Variants in CTNND2 observed in about 807,000 individuals in gnomAD.
CTNND2 encodes the protein catenin delta-2.
A neutral mutation model predicts 144.4 loss-of-function variants in CTNND2; 22 were observed. That is an observed-to-expected ratio of 0.15 (90% confidence interval 0.11 to 0.22). The LOEUF is 0.22. Ranked by LOEUF, CTNND2 falls within the 10% of genes least tolerant of loss-of-function variation. CTNND2 has a pLI of 1.00. For synonymous variants in CTNND2, 751 were observed against 695.6 expected (o/e 1.08, Z -1.25); for missense variants, 1,353 against 1,618.8 (o/e 0.84, Z 2.82).
intron 2 of CTNND2, among the ~76,000 whole-genome samples, chr5:11,638,377 A>C (rs757938096): frequency 6.6e-6 from 1 of 152,242 alleles, no homozygotes; most frequent in African/African-American, 2.4e-5. Context: ...AAAAATAGCA[A>C]GAAGCACTAG....
intron 7 of CTNND2, among the ~76,000 whole-genome samples, chr5:11,369,701 G>A (rs1366756189): frequency 6.6e-6 from 1 of 152,196 alleles, no homozygotes; most frequent in Non-Finnish European, 1.5e-5. Flanking sequence ...GCAGGAGGAT[G>A]GAGGTAAAGG....
chr5:11,011,472 C>G (rs903798771), intron 18 of CTNND2, among the ~76,000 whole-genome samples: 2 of 152,182 alleles, frequency 1.3e-5, no homozygotes, highest in Admixed American at 1.3e-4. Flanking sequence ...CTATCTCGGC[C>G]TCCCAAAGTG....
intron 11 of CTNND2, 98 bp from the exon 12 acceptor site, chr5:11,159,857 G>T: frequency 3.1e-6 from 3 of 967,436 alleles, no homozygotes; most frequent in Admixed American, 2.6e-5. Flanking sequence ...TGGCAGGAAG[G>T]ATGAAAATAC....
At chr5:11,898,283 C>T (rs770017149) in intron 1 of CTNND2, among the ~76,000 whole-genome samples, 4 of 152,200 alleles carry the variant, frequency 2.6e-5, no homozygotes, top group Admixed American at 6.5e-5. Flanking sequence ...CATTCCTGCA[C>T]ATTTTGTAAT....
At chr5:11,476,625 T>C (rs1377819719) in intron 3 of CTNND2, among the ~76,000 whole-genome samples, 1 of 152,202 alleles carries the variant, frequency 6.6e-6, no homozygotes, top group Non-Finnish European at 1.5e-5. Context: ...TAATATCTAT[T>C]TGCTATTCAG....
At chr5:11,575,443 C>A (rs1777903848) in intron 2 of CTNND2, among the ~76,000 whole-genome samples, 1 of 152,104 alleles carries the variant, frequency 6.6e-6, no homozygotes, top group South Asian at 2.1e-4. Flanking sequence ...TGATCTTTTT[C>A]CATGAATTGC....
At chr5:11,745,263 G>T (rs1476852413) in intron 1 of CTNND2, among the ~76,000 whole-genome samples, 1 of 152,034 alleles carries the variant, frequency 6.6e-6, no homozygotes, top group African/African-American at 2.4e-5. Context: ...ACACATGTTG[G>T]CTCCACCAAG....
chr5:11,154,388 T>G (rs547859968), intron 12 of CTNND2, among the ~76,000 whole-genome samples: 4 of 152,336 alleles, frequency 2.6e-5, no homozygotes, highest in African/African-American at 9.6e-5. Context: ...AGCCACATCT[T>G]GACTTGTAGA....
At chr5:11,714,721 A>G (rs1380054559) in intron 2 of CTNND2, among the ~76,000 whole-genome samples, 2 of 151,986 alleles carry the variant, frequency 1.3e-5, no homozygotes, top group African/African-American at 4.8e-5. Context: ...CCTGGCTAAC[A>G]CAGTGAAACC....
chr5:11,566,215 G>C (rs61763034), intron 2 of CTNND2, among the ~76,000 whole-genome samples: 1,665 of 152,264 alleles, frequency 0.011, 29 homozygotes, highest in African/African-American at 0.036. Flanking sequence ...GGGAAACAAA[G>C]TAAAAGACAC....
At chr5:11,844,602 G>T (rs1794644867) in intron 1 of CTNND2, among the ~76,000 whole-genome samples, 1 of 151,988 alleles carries the variant, frequency 6.6e-6, no homozygotes, top group Non-Finnish European at 1.5e-5. Flanking sequence ...TAACACAGAA[G>T]TTCTGGCATA....
chr5:11,648,921 AT>A (rs1782500345), intron 2 of CTNND2, among the ~76,000 whole-genome samples: 1 of 152,218 alleles, frequency 6.6e-6, no homozygotes, highest in African/African-American at 2.4e-5. Context: ...CATTTACTTT[AT>A]TGTTGAACTT....
chr5:11,656,025 A>G (rs976756268), intron 2 of CTNND2, among the ~76,000 whole-genome samples: 1 of 152,020 alleles, frequency 6.6e-6, no homozygotes, highest in Non-Finnish European at 1.5e-5. Context: ...AAATTATTTT[A>G]GTTTTAAAGT....
At chr5:11,166,157 T>C (rs1195926682) in intron 11 of CTNND2, among the ~76,000 whole-genome samples, 1 of 152,202 alleles carries the variant, frequency 6.6e-6, no homozygotes, top group East Asian at 1.9e-4. Flanking sequence ...GAGGATTTAT[T>C]TTAAACAAAT....
chr5:11,421,083 A>G (rs1160276893), intron 3 of CTNND2, among the ~76,000 whole-genome samples: 1 of 152,106 alleles, frequency 6.6e-6, no homozygotes, highest in African/African-American at 2.4e-5. Context: ...GAACCAATAT[A>G]GCAGCTCGTC....
At chr5:11,721,094 G>A (rs879756366) in intron 2 of CTNND2, among the ~76,000 whole-genome samples, 1 of 152,136 alleles carries the variant, frequency 6.6e-6, no homozygotes, top group South Asian at 2.1e-4. Flanking sequence ...CTGCATAAAT[G>A]AAATGAGGTG....
intron 1 of CTNND2, among the ~76,000 whole-genome samples, chr5:11,827,346 T>C (rs1793656686): frequency 6.6e-6 from 1 of 152,186 alleles, no homozygotes; most frequent in South Asian, 2.1e-4. Flanking sequence ...TGTGCTGCAT[T>C]AAATCCTTCG....
intron 9 of CTNND2, among the ~76,000 whole-genome samples, chr5:11,291,415 G>A (rs547799234): frequency 6.6e-6 from 1 of 152,170 alleles, no homozygotes; most frequent in South Asian, 2.1e-4. Flanking sequence ...GTTTGATCCT[G>A]TTCCTTCAGT....
intron 1 of CTNND2, among the ~76,000 whole-genome samples, chr5:11,830,466 TA>T (rs1274845087): frequency 2.0e-5 from 3 of 152,180 alleles, no homozygotes; most frequent in East Asian, 3.9e-4. Context: ...TGATGGTTTT[TA>T]AAAGGGGATT....
Sources: gnomAD v4.1 joint callset for allele counts (sites outside exome capture counted in the v4.1 genomes callset) on GRCh38, gnomAD v4.1.1 for gene constraint, MANE v1.5 for transcripts, NCBI Gene and HGNC (gene_info 2026-07-23, HGNC 2026-07-21) for gene names.